Variants in CDC42BPB observed in about 807,000 individuals in gnomAD.
CDC42BPB encodes the protein CDC42 binding protein kinase beta, also known as serine/threonine-protein kinase MRCK beta.
CDC42BPB carries 37 observed loss-of-function variants against 214.9 expected under a neutral mutation model. That is an observed-to-expected ratio of 0.17 (90% CI 0.13 to 0.23). The LOEUF (loss-of-function observed/expected upper bound fraction) is 0.23. CDC42BPB is among the 10% of genes least tolerant of loss of function. The probability of loss-of-function intolerance (pLI) is 1.00; values close to 1 mark genes in which losing one functional copy is unlikely to be tolerated. For missense variants in CDC42BPB, 1,694 were observed against 2,227.0 expected (o/e 0.76, Z 4.82); for synonymous variants, 931 against 884.0 (o/e 1.05, Z -0.94).
chr14:102,939,642 C>T lies in CDC42BPB; in HGVS notation c.4795G>A (p.Asp1599Asn), dbSNP rs757447340. Reference sequence around the variant, plus strand: ...AGGTCCATGAGCACCTGCATGCCGTCGCCTGGGCCCATGTGGGCCACGTGG... The same window carrying T: ...AGGTCCATGAGCACCTGCATGCCGTTGCCTGGGCCCATGTGGGCCACGTGG... ...FNHVAHMGPGDGMQVLMDLPL... is the reference protein window; with the variant it reads ...FNHVAHMGPGNGMQVLMDLPL... The change falls in exon 34 of 37, where the codon GAC becomes AAC. Residue 1599 changes from aspartate (D) to asparagine (N), a missense_variant. Transcript: ENST00000361246. 4 of 1,614,004 alleles carry T rather than the reference C, an allele frequency of 2.5e-6. No homozygotes were observed. Among genetic ancestry groups the T allele is most frequent in the East Asian group, 2.2e-5 (1 of 44,900 alleles).
At chr14:103,044,068 C>T (rs1036664101) in intron 1 of CDC42BPB, among the ~76,000 whole-genome samples, 31 of 152,274 alleles carry the variant, frequency 2.0e-4, no homozygotes, top group Admixed American at 7.2e-4. Flanking sequence ...CTTCTCAATT[C>T]GCTGCTAGTC....
chr14:102,967,218 T>TA (rs764202364), intron 16 of CDC42BPB, 48 bp from the exon 17 acceptor site: 35 of 1,582,442 alleles, frequency 2.2e-5, no homozygotes, highest in Non-Finnish European at 3.0e-5. Context: ...GGGCATCCTT[T>TA]AAGTATGCTG....
At chr14:103,055,179 T>G (rs184461339) in intron 1 of CDC42BPB, among the ~76,000 whole-genome samples, 1 of 152,222 alleles carries the variant, frequency 6.6e-6, no homozygotes, top group Admixed American at 6.5e-5. Context: ...TCCCAGCACT[T>G]TGGGAGGCCG....
At chr14:102,960,185 A>G (rs188279879) in intron 20 of CDC42BPB, among the ~76,000 whole-genome samples, 54 of 152,312 alleles carry the variant, frequency 3.5e-4, no homozygotes, top group Non-Finnish European at 5.3e-4. Context: ...AGCCTGGGCG[A>G]CAGAGCAAGA....
At chr14:103,003,437 C>T (rs1038512642) in intron 4 of CDC42BPB, among the ~76,000 whole-genome samples, 7 of 152,234 alleles carry the variant, frequency 4.6e-5, no homozygotes, top group Non-Finnish European at 8.8e-5. Flanking sequence ...CTGTTTAAAT[C>T]GGAAAAATAC....
intron 8 of CDC42BPB, among the ~76,000 whole-genome samples, chr14:102,979,984 A>G (rs1893926271): frequency 6.6e-6 from 1 of 152,262 alleles, no homozygotes; most frequent in South Asian, 2.1e-4. Flanking sequence ...TGCTGTATAA[A>G]GAAACACCAA....
intron 2 of CDC42BPB, 176 bp from the exon 3 acceptor site, chr14:103,008,731 C>T (rs1290815646): frequency 2.0e-6 from 2 of 982,102 alleles, no homozygotes; most frequent in Non-Finnish European, 2.4e-6. Context: ...CTTTTCTTCA[C>T]AGAGAAAGGG....
At chr14:102,941,313 C>T (rs1891878676) in intron 30 of CDC42BPB, 8 of 985,346 alleles carry the variant, frequency 8.1e-6, no homozygotes, top group African/African-American at 1.7e-5. Flanking sequence ...CAGGACACAC[C>T]TCACTGTCTG....
intron 1 of CDC42BPB, chr14:103,041,559 G>T: frequency 7.8e-7 from 1 of 1,279,542 alleles, no homozygotes. Flanking sequence ...CCGGCCCGAA[G>T]ATCCGCAGAT....
At chr14:102,939,128 A>G (rs983937854) in intron 34 of CDC42BPB, among the ~76,000 whole-genome samples, 2 of 151,966 alleles carry the variant, frequency 1.3e-5, no homozygotes, top group Non-Finnish European at 2.9e-5. Flanking sequence ...TTTAGTAGAG[A>G]CAGGGTTTCA....
intron 16 of CDC42BPB, among the ~76,000 whole-genome samples, chr14:102,968,013 T>C (rs1893295862): frequency 1.3e-5 from 2 of 151,694 alleles, no homozygotes; most frequent in Non-Finnish European, 2.9e-5. Flanking sequence ...GAGAATGGCA[T>C]GAACCTGGGA....
At chr14:102,999,890 C>A in intron 4 of CDC42BPB, 177 bp from the exon 5 acceptor site, 6 of 985,444 alleles carry the variant, frequency 6.1e-6, no homozygotes, top group Non-Finnish European at 7.2e-6. Context: ...GATGCGTCCA[C>A]GACGCCGCCA....
chr14:103,028,184 T>C (rs1380660661), intron 1 of CDC42BPB, among the ~76,000 whole-genome samples: 3 of 152,180 alleles, frequency 2.0e-5, no homozygotes, highest in South Asian at 2.1e-4. Context: ...ATCTGTGATA[T>C]GGGTCACAAC....
chr14:103,057,453 A>C lies in CDC42BPB; in HGVS notation c.-280T>G, dbSNP rs1889052432. On this transcript the variant is annotated 5_prime_UTR_variant, in exon 1 of 37. Transcript: ENST00000361246. ...CGGGCGGCCCGCCCCCGCCGCCCTC[A>C]GCCCCGCCCGCGGCCGCGCCCTCCC... 1 of 377,246 alleles carries C rather than the reference A, an allele frequency of 2.7e-6. No individual in the cohort carries two copies. 23.4% of individuals were successfully genotyped at this position (377,246 alleles called of 1,614,324 possible).
chr14:103,031,077 CT>C (rs905252164), intron 1 of CDC42BPB, among the ~76,000 whole-genome samples: 44 of 150,682 alleles, frequency 2.9e-4, no homozygotes, highest in African/African-American at 6.6e-4. Context: ...TTCTGAGTTA[CT>C]TTTTTTTTAA....
At chr14:103,048,810 G>C (rs1431862606) in intron 1 of CDC42BPB, among the ~76,000 whole-genome samples, 1 of 148,426 alleles carries the variant, frequency 6.7e-6, no homozygotes, top group Non-Finnish European at 1.5e-5. Context: ...GGAGGCGGAG[G>C]CTGCAGTGAG....
intron 1 of CDC42BPB, among the ~76,000 whole-genome samples, chr14:103,013,234 C>G (rs950045566): frequency 9.8e-5 from 15 of 152,338 alleles, no homozygotes; most frequent in African/African-American, 3.4e-4. Flanking sequence ...CACGGGGCAG[C>G]TCAGGGAACA....
At chr14:102,973,578 G>A (rs531903646) in intron 12 of CDC42BPB, among the ~76,000 whole-genome samples, 28 of 152,192 alleles carry the variant, frequency 1.8e-4, no homozygotes, top group Admixed American at 6.5e-4. Flanking sequence ...GGCCTGGCTC[G>A]GGACGCAGCG....
chr14:103,050,845 G>A (rs976960000), intron 1 of CDC42BPB, among the ~76,000 whole-genome samples: 1 of 151,992 alleles, frequency 6.6e-6, no homozygotes, highest in Non-Finnish European at 1.5e-5. Flanking sequence ...AATTAACACT[G>A]GGAATCACCT....
Sources: allele counts gnomAD v4.1 joint callset (sites outside exome capture counted in the v4.1 genomes callset), GRCh38; gene constraint gnomAD v4.1.1; transcripts MANE v1.5; gene names NCBI Gene and HGNC (gene_info 2026-07-23, HGNC 2026-07-21).